Variants in CTNNB1 observed in about 807,000 individuals in gnomAD.
CTNNB1 encodes the protein catenin beta 1, also known as catenin beta-1.
In CTNNB1, 6 loss-of-function variants were observed where a neutral mutation model predicts 82.5. The observed-to-expected ratio is 0.07, with a 90% CI of 0.04 to 0.14. The LOEUF (loss-of-function observed/expected upper bound fraction) is 0.14, where lower values mean the gene tolerates loss of function less well. Ranked by LOEUF, CTNNB1 falls within the 10% of genes least tolerant of loss-of-function variation. CTNNB1 has a pLI of 1.00. For synonymous variants in CTNNB1, 312 were observed against 329.7 expected (o/e 0.95, Z 0.58); for missense variants, 529 against 980.4 (o/e 0.54, Z 6.15).
chr3:41,223,914 GT>G (rs1006247530), intron 1 of CTNNB1, 106 bp from the exon 2 acceptor site: 45 of 807,164 alleles, frequency 5.6e-5, no homozygotes, highest in African/African-American at 1.9e-4. Flanking sequence ...GAGGATATGG[GT>G]TTTTTTTGTG....
In CTNNB1 at chr3:41,225,899, T is replaced by C. The variant is rs1350870159; in HGVS notation, c.936+38T>C. ...TTCTTTATGTGGTTTTCATGGAGCA[T>C]TGGACACCTCCAGTGTCATGTCATT... On this transcript the variant is annotated intron_variant, in intron 6 of 14. Coordinates refer to ENST00000349496, the MANE Select transcript of CTNNB1 (RefSeq NM_001904.4). The surrounding 1 kb of genome is among the most constrained non-coding windows in gnomAD (Gnocchi z 5.3). 2.6e-6 allele frequency: 4 copies of C among 1,556,254 alleles called. No individual in the cohort carries two copies. Among genetic ancestry groups the C allele is most frequent in the East Asian group, 4.5e-5 (2 of 44,544 alleles).
rs887165429 is a variant in CTNNB1, at chr3:41,239,649, T to C, written c.*307T>C. 2.1e-6 allele frequency: 1 copy of C among 466,542 alleles called. No homozygotes were observed. Among genetic ancestry groups the C allele is most frequent in the East Asian group, 3.8e-5 (1 of 26,272 alleles). 28.9% of individuals were successfully genotyped at this position (466,542 alleles called of 1,614,324 possible). On this transcript the variant is annotated 3_prime_UTR_variant, in exon 15 of 15. Transcript: ENST00000349496. Reference sequence around the variant, plus strand: ...TTAAACATTAATAGCAGCCTTTCTCTCTTTATACAGCTGTATTGTCTGAAC... The same window carrying C: ...TTAAACATTAATAGCAGCCTTTCTCCCTTTATACAGCTGTATTGTCTGAAC...
At chr3:41,201,972 G>T (rs1169043407) in intron 1 of CTNNB1, among the ~76,000 whole-genome samples, 8 of 151,892 alleles carry the variant, frequency 5.3e-5, no homozygotes, top group Non-Finnish European at 1.0e-4. Context: ...TTTCTCCAAG[G>T]GTATTTTGAA....
intron 3 of CTNNB1, 65 bp from the exon 4 acceptor site, chr3:41,224,889 A>G (rs1225671382): frequency 1.9e-6 from 3 of 1,611,762 alleles, no homozygotes; most frequent in Non-Finnish European, 2.5e-6. Context: ...TTTACCATTT[A>G]GGATAGCAAA....
chr3:41,228,088 A>G (rs545308292), intron 7 of CTNNB1, among the ~76,000 whole-genome samples: 12 of 152,280 alleles, frequency 7.9e-5, no homozygotes, highest in South Asian at 6.2e-4. Context: ...TCCATAGTAT[A>G]TATGTACCAC....
chr3:41,199,693 A>C (rs1172355541), intron 1 of CTNNB1, 23 bp downstream of exon 1: 1 of 151,492 alleles, frequency 6.6e-6, no homozygotes, highest in African/African-American at 2.4e-5. Context: ...TCCTTTCCTT[A>C]TCCTTCCGGG....
chr3:41,236,563 G>C (rs2125646698), intron 12 of CTNNB1, 25 bp from the exon 13 acceptor site: 1 of 1,614,158 alleles, frequency 6.2e-7, no homozygotes, highest in South Asian at 1.1e-5. Flanking sequence ...TTTTCCTCAA[G>C]GGCCTTTTTC....
At chr3:41,229,898 G>A (rs1464991272) in intron 7 of CTNNB1, among the ~76,000 whole-genome samples, 3 of 151,858 alleles carry the variant, frequency 2.0e-5, no homozygotes, top group Admixed American at 6.6e-5. Flanking sequence ...GTGTGTGTGT[G>A]TGTGTGTGTC....
chr3:41,237,848 CTT>C, intron 13 of CTNNB1, 166 bp from the exon 14 acceptor site: 1 of 632,382 alleles, frequency 1.6e-6, no homozygotes, highest in South Asian at 1.8e-5. Context: ...AAAAATGTAT[CTT>C]TGAGGTGTGG....
chr3:41,223,135 T>A (rs2078090679), intron 1 of CTNNB1, among the ~76,000 whole-genome samples: 1 of 152,138 alleles, frequency 6.6e-6, no homozygotes, highest in Non-Finnish European at 1.5e-5. Flanking sequence ...ACATACCCAA[T>A]ATGTTAATTT....
intron 1 of CTNNB1, among the ~76,000 whole-genome samples, chr3:41,211,509 A>G (rs1349605893): frequency 6.6e-6 from 1 of 152,202 alleles, no homozygotes; most frequent in Non-Finnish European, 1.5e-5. Context: ...ATAGTACTCA[A>G]TAGATAACGT....
At chr3:41,213,876 C>T (rs996112877) in intron 1 of CTNNB1, among the ~76,000 whole-genome samples, 1 of 152,136 alleles carries the variant, frequency 6.6e-6, no homozygotes, top group Non-Finnish European at 1.5e-5. Flanking sequence ...CTTACTCTTT[C>T]TGTAATCTTC....
At chr3:41,218,835 G>C (rs1436994162) in intron 1 of CTNNB1, among the ~76,000 whole-genome samples, 1 of 152,184 alleles carries the variant, frequency 6.6e-6, no homozygotes, top group Non-Finnish European at 1.5e-5. Context: ...GGGATTACAG[G>C]TGTGAGCCAC....
At chr3:41,200,585 T>C (rs2077505250) in intron 1 of CTNNB1, among the ~76,000 whole-genome samples, 1 of 152,236 alleles carries the variant, frequency 6.6e-6, no homozygotes, top group South Asian at 2.1e-4. Flanking sequence ...TCAAATAGTT[T>C]GATGGCAGCT....
At chr3:41,224,864 A>G (rs2125618996) in intron 3 of CTNNB1, 90 bp from the exon 4 acceptor site, 1 of 1,601,140 alleles carries the variant, frequency 6.2e-7, no homozygotes. Flanking sequence ...AAAAGAGAGT[A>G]ATAGCAATGT....
At chr3:41,216,432 T>C (rs1458745598) in intron 1 of CTNNB1, among the ~76,000 whole-genome samples, 1 of 152,226 alleles carries the variant, frequency 6.6e-6, no homozygotes. Context: ...AATGAAGAAA[T>C]AGTTATTAAA....
chr3:41,221,061 G>A (rs2078037799), intron 1 of CTNNB1: 1 of 152,202 alleles, frequency 6.6e-6, no homozygotes, highest in Non-Finnish European at 1.5e-5. Flanking sequence ...ATGCATGGAT[G>A]CATTAGACTG....
Position 41,239,244 on chromosome 3 carries a change from G to A in CTNNB1, c.2248G>A (p.Val750Ile), listed in dbSNP as rs2125653656. Residue 750 changes from valine (V) to isoleucine (I), a missense_variant, in exon 15 of 15, where the codon GTT (valine) becomes ATT (isoleucine). Around this residue, in one of 4 missense-constraint regions of CTNNB1, gnomAD observed 102 missense variants for 130.8 expected, o/e 0.78. Transcript: ENST00000349496. The stretch of plus-strand genomic sequence containing the variant: ...CCACCACCCTGGTGCTGACTATCCA[G>A]TTGATGGGCTGCCAGATCTGGGGCA... ...GGHHPGADYP[V>I]DGLPDLGHAQ... 1 of 1,614,244 alleles carries A rather than the reference G, an allele frequency of 6.2e-7. No homozygotes were observed. The highest frequency in any genetic ancestry group is 8.5e-7 in the Non-Finnish European group (1 of 1,180,040).
intron 1 of CTNNB1, chr3:41,221,084 A>G (rs561266262): frequency 6.6e-6 from 1 of 152,226 alleles, no homozygotes. Flanking sequence ...TGGAAAATAC[A>G]TGAGAAGTTG....
Sources: gnomAD v4.1 joint callset for allele counts (sites outside exome capture counted in the v4.1 genomes callset) on GRCh38, gnomAD v4.1.1 for gene constraint, gnomAD v4.1.1 regional missense constraint, Gnocchi (gnomAD v3.1) non-coding constraint, MANE v1.5 for transcripts, NCBI Gene and HGNC (gene_info 2026-07-23, HGNC 2026-07-21) for gene names.